FAT2: variants seen among roughly 807,000 people sequenced by gnomAD.
FAT2 encodes the protein protocadherin Fat 2.
In FAT2, 150 loss-of-function variants were observed where a neutral mutation model predicts 295.3. The observed-to-expected ratio is 0.51, with a 90% confidence interval of 0.44 to 0.58. FAT2 has a LOEUF of 0.58. Among genes scored for constraint, FAT2 ranks in the 20% least tolerant of loss-of-function variants. The pLI is 0.00. For synonymous variants in FAT2, 2,026 were observed against 2,150.3 expected, an observed-to-expected ratio of 0.94 and a Z score of 1.60; for missense variants, 4,868 against 5,442.7, an observed-to-expected ratio of 0.89 and a Z score of 3.32.
At chr5:151,548,648 T>C (rs141161577) in intron 9 of FAT2, among the ~76,000 whole-genome samples, 2,879 of 152,208 alleles carry the variant, frequency 0.019, 41 homozygotes, top group Non-Finnish European at 0.029. Flanking sequence ...GCCAGGCTAA[T>C]TTTTGTATTT....
chr5:151,507,594 C>G lies in FAT2; in HGVS notation c.12077G>C (p.Arg4026Thr), dbSNP rs369964992. The G allele has an allele frequency of 5.6e-6, 9 of 1,604,202 alleles. No homozygotes were observed. The highest frequency in any genetic ancestry group is 7.6e-6 in the Non-Finnish European group (9 of 1,177,254). The change falls in exon 23 of 24, where the codon AGG becomes ACG. Residue 4026 changes from arginine (R) to threonine (T), a missense_variant. This residue lies in a region of FAT2 where 492 missense variants were observed against 482.6 expected (regional missense o/e 1.02). Transcript: ENST00000261800. ...TAGGCAGTGTCCTTCTGAACAACCC[C>G]TCGCCTCCATTTCACACCTGCGGAG... Reference protein sequence around the residue: ...YTGDRCEMEARGCSEGHCLVT... With the variant: ...YTGDRCEMEATGCSEGHCLVT...
rs56280203 is a variant in FAT2, at chr5:151,510,184, AAAG to A, written c.11906-13_11906-11del. On this transcript the variant is annotated splice_polypyrimidine_tract_variant and intron_variant, in intron 21 of 23. Transcript: ENST00000261800. ...CATTTGCAGACATAGCCTAGGAGAA[AAAG>A]AAGGGAGGTGAGAGACCGCACTGGC... 4.0e-3 allele frequency: 6,480 copies of A among 1,613,838 alleles called. 36 individuals carry two copies. Among genetic ancestry groups the A allele is most frequent in the South Asian group, 0.011 (960 of 91,066 alleles).
chr5:151,536,786 A>G (rs886309890), intron 12 of FAT2, among the ~76,000 whole-genome samples: 9 of 152,182 alleles, frequency 5.9e-5, no homozygotes, highest in African/African-American at 1.9e-4. Context: ...AGATACCTTG[A>G]GATCATGTTC....
chr5:151,550,148 G>C (rs775259664), intron 8 of FAT2, among the ~76,000 whole-genome samples: 1 of 152,178 alleles, frequency 6.6e-6, no homozygotes, highest in Non-Finnish European at 1.5e-5. Flanking sequence ...AAGAGGCTCT[G>C]ACTCTTGGGG....
Position 151,544,918 on chromosome 5 carries a change from A to C in FAT2, c.6209T>G (p.Phe2070Cys), listed in dbSNP as rs1158093343. The change falls in exon 10 of 24, where the codon TTT becomes TGT. Residue 2070 changes from phenylalanine (F) to cysteine (C), a missense_variant. Coordinates refer to ENST00000261800, the MANE Select transcript of FAT2 (RefSeq NM_001447.3). ...GATTGTGTAATAGGGCAGATGCTTA[A>C]ATTTGGGGGGATTGTCATTGACATC... ...IEDVNDNPPK[F>C]KHLPYYTIIQ... 1 of 1,614,086 alleles carries C rather than the reference A, an allele frequency of 6.2e-7. No individual in the cohort carries two copies. Among genetic ancestry groups the C allele is most frequent in the Admixed American group, 1.7e-5 (1 of 60,012 alleles).
At chr5:151,585,577 A>C (rs1759136391) in intron 1 of FAT2, among the ~76,000 whole-genome samples, 1 of 152,192 alleles carries the variant, frequency 6.6e-6, no homozygotes. Context: ...GCATCATTGC[A>C]CTCCAGCCTG....
chr5:151,550,461 A>C (rs1486072372), intron 8 of FAT2, 129 bp downstream of exon 8: 3 of 1,079,812 alleles, frequency 2.8e-6, no homozygotes, highest in Non-Finnish European at 4.0e-6. Flanking sequence ...CCAGCTGTGA[A>C]ATGTCACAAC....
At chr5:151,574,964 C>T (rs1211290494) in intron 1 of FAT2, among the ~76,000 whole-genome samples, 1 of 152,214 alleles carries the variant, frequency 6.6e-6, no homozygotes, top group Non-Finnish European at 1.5e-5. Flanking sequence ...AATAGCTACT[C>T]CTACCTACTT....
chr5:151,516,369 T>C (rs1338289425), intron 20 of FAT2, among the ~76,000 whole-genome samples: 1 of 151,922 alleles, frequency 6.6e-6, no homozygotes. Context: ...AGAAAAAAAT[T>C]AGTGAGCGTG....
In FAT2 at chr5:151,512,671, T is replaced by C; in HGVS notation, c.11464-65A>G. ...AGTCCTTGTAAACCTGCTAAGAGGCTGCCAGTTCAAAGAATGTTGTTTGTA... is the reference window on the plus strand; with the variant it reads ...AGTCCTTGTAAACCTGCTAAGAGGCCGCCAGTTCAAAGAATGTTGTTTGTA... On this transcript the variant is annotated intron_variant, in intron 20 of 23. Coordinates refer to ENST00000261800, the MANE Select transcript of FAT2 (RefSeq NM_001447.3). The surrounding 1 kb of genome is among the most constrained non-coding windows in gnomAD (Gnocchi z 4.1). 1 of 1,396,360 alleles carries C rather than the reference T, an allele frequency of 7.2e-7. No homozygotes were observed. Among genetic ancestry groups the C allele is most frequent in the Non-Finnish European group, 9.7e-7 (1 of 1,029,890 alleles). The allele number at this position is 1,396,360 out of a possible 1,614,324, so 86.5% of individuals were successfully genotyped here.
rs1156741903 is a variant in FAT2 at position 151,554,451 on chromosome 5, T to A, written c.3856A>T (p.Ser1286Cys). ...NGRVTYSIED[S>C]DEEAFSIDLV... Reference sequence around the variant, plus strand: ...TCGATACTGAAGGCCTCCTCATCGCTGTCCTCGATACTGTAGGTGACTCTG... The same window carrying A: ...TCGATACTGAAGGCCTCCTCATCGCAGTCCTCGATACTGTAGGTGACTCTG... The change falls in exon 5 of 24, where the codon AGC becomes TGC. Residue 1286 changes from serine (S) to cysteine (C), a missense_variant. Physicochemically the swap from Ser to Cys is moderately radical, Grantham distance 112 (BLOSUM62 -1). Transcript: ENST00000261800. 1 of 1,614,236 alleles carries A rather than the reference T, an allele frequency of 6.2e-7. No individual in the cohort carries two copies. The highest frequency in any genetic ancestry group is 2.2e-5 in the East Asian group (1 of 44,884).
In FAT2 at chr5:151,563,615, AG is replaced by A; in HGVS notation, c.3283del (p.Leu1095TrpfsTer11). 1.1e-5 allele frequency: 18 copies of A among 1,614,136 alleles called. No homozygotes were observed. The highest frequency in any genetic ancestry group is 1.4e-5 in the Non-Finnish European group (17 of 1,180,024). ...DTGMIQTLAP[L>X]DREFASYYWL... The stretch of plus-strand genomic sequence containing the variant: ...GTAGTAAGATGCAAATTCTCGGTCC[AG>A]GGGTGCCAGAGTCTGAATCATTCCT... On this transcript the variant is annotated frameshift_variant, in exon 3 of 24. Transcript: ENST00000261800. LOFTEE classifies it high-confidence loss of function.
Position 151,512,170 on chromosome 5 carries a change from C to G in FAT2, c.11900G>C (p.Gly3967Ala), listed in dbSNP as rs774406890. 6.2e-7 allele frequency: 1 copy of G among 1,611,612 alleles called. No individual in the cohort carries two copies. Among genetic ancestry groups the G allele is most frequent in the Non-Finnish European group, 8.5e-7 (1 of 1,177,980 alleles). The change falls in exon 21 of 24, where the codon GGG (glycine) becomes GCG (alanine). Residue 3967 changes from glycine to alanine, a missense_variant. Gly to Ala is a moderately conservative substitution (Grantham distance 60). Transcript: ENST00000261800. The surrounding 1 kb of genome is among the most constrained non-coding windows in gnomAD (Gnocchi z 4.1). ...CCTGGCACCCCAGCCCTCACCTGCC[C>G]CATGGGTCCATGAGCACTTCCCACC... ...LNGGKCSWTH[G>A]AGYVCKCPPQ...
chr5:151,552,555 A>G (rs900141608), intron 6 of FAT2, among the ~76,000 whole-genome samples: 4 of 152,164 alleles, frequency 2.6e-5, no homozygotes, highest in African/African-American at 9.7e-5. Flanking sequence ...TCTAAATTGT[A>G]TGCAGATTTA....
rs2127619469 is a variant in FAT2, at chr5:151,549,438, T to G, written c.4646A>C (p.Asn1549Thr). The G allele has an allele frequency of 6.2e-7, 1 of 1,613,914 alleles. No homozygotes were observed. Among genetic ancestry groups the G allele is most frequent in the Non-Finnish European group, 8.5e-7 (1 of 1,179,970 alleles). Residue 1549 changes from asparagine to threonine, a missense_variant, in exon 9 of 24, where the codon AAC becomes ACC. Transcript: ENST00000261800. ...VWVTIHVEDG[N>T]LHPPRFTQLH... is the part of the protein sequence containing the mutation. Reference sequence around the variant, plus strand: ...CTGAGTGAAGCGGGGTGGGTGGAGGTTTCCATCCTCCACATGAATGGTCAC... The same window carrying G: ...CTGAGTGAAGCGGGGTGGGTGGAGGGTTCCATCCTCCACATGAATGGTCAC...
At chr5:151,518,368 A>ATTATTATTATT (rs775348701) in intron 19 of FAT2, among the ~76,000 whole-genome samples, 172 of 82,398 alleles carry the variant, frequency 2.1e-3, no homozygotes, top group Middle Eastern at 7.9e-3. Flanking sequence ...TAATAATAAT[A>ATTATTATTATT]ATAATAATTT....
chr5:151,520,565 C>G (rs1421965199), intron 19 of FAT2, among the ~76,000 whole-genome samples: 1 of 152,218 alleles, frequency 6.6e-6, no homozygotes, highest in Non-Finnish European at 1.5e-5. Flanking sequence ...CACCGTTGAT[C>G]TGGGGCTTAT....
At chr5:151,518,155 A>C (rs1050035457) in intron 19 of FAT2, among the ~76,000 whole-genome samples, 1 of 151,966 alleles carries the variant, frequency 6.6e-6, no homozygotes, top group South Asian at 2.1e-4. Context: ...ACAGAGCAAG[A>C]CCTCATCTCT....
rs1760746760 is a variant in FAT2, at chr5:151,505,236, C to T, written c.*329G>A. On this transcript the variant is annotated 3_prime_UTR_variant, in exon 24 of 24. Coordinates refer to ENST00000261800, the MANE Select transcript of FAT2 (RefSeq NM_001447.3). Reference sequence around the variant, plus strand: ...GCCAGCACAGTCAATCAGGCTCTGCCCCGGGGACTGAGAGCCGGCAGATCA... The same window carrying T: ...GCCAGCACAGTCAATCAGGCTCTGCTCCGGGGACTGAGAGCCGGCAGATCA... The T allele has an allele frequency of 2.4e-6, 1 of 424,552 alleles. No homozygotes were observed. The highest frequency in any genetic ancestry group is 4.3e-6 in the Non-Finnish European group (1 of 234,234). The allele number at this position is 424,552 out of a possible 1,614,324, so 26.3% of individuals were successfully genotyped here.
Sources: gnomAD v4.1 joint callset for allele counts (sites outside exome capture counted in the v4.1 genomes callset) on GRCh38, gnomAD v4.1.1 for gene constraint, gnomAD v4.1.1 regional missense constraint, Gnocchi (gnomAD v3.1) non-coding constraint, MANE v1.5 for transcripts, NCBI Gene and HGNC (gene_info 2026-07-23, HGNC 2026-07-21) for gene names.